Variants in MYH10 observed in about 807,000 individuals in gnomAD.
MYH10 encodes myosin-10.
MYH10 carries 55 observed loss-of-function variants against 257.8 expected under a neutral mutation model. The ratio of observed to expected loss-of-function variants is 0.21; its 90% CI spans 0.17 to 0.27. The LOEUF (loss-of-function observed/expected upper bound fraction) is 0.27, where lower values mean the gene tolerates loss of function less well. Among genes scored for constraint, MYH10 ranks in the 10% least tolerant of loss-of-function variants. The probability of loss-of-function intolerance (pLI) is 1.00; values close to 1 mark genes in which losing one functional copy is unlikely to be tolerated. For synonymous variants in MYH10, 854 were observed against 921.7 expected, an observed-to-expected ratio of 0.93 and a Z score of 1.33; for missense variants, 1,631 against 2,500.6, an observed-to-expected ratio of 0.65 and a Z score of 7.42.
chr17:8,523,514 C>T lies in MYH10; in HGVS notation c.1958-2229G>A, dbSNP rs139350233. ...CCTGTGGGAAGATGACCACTCCAGT[C>T]GGTGCAATCAGCATATGTGAAAGAC... On this transcript the variant is annotated intron_variant, in intron 17 of 42. Transcript: ENST00000360416. Among the ~76,000 whole-genome samples the T allele has an allele frequency of 9.0e-4, 137 of 152,296 alleles. 1 individual carries two copies. The highest frequency in any genetic ancestry group is 3.1e-3 in the African/African-American group (130 of 41,558).
intron 9 of MYH10, among the ~76,000 whole-genome samples, chr17:8,549,590 C>A (rs1046394436): frequency 2.0e-5 from 3 of 152,232 alleles, no homozygotes; most frequent in African/African-American, 4.8e-5. Context: ...CTGCAGGTCA[C>A]CCTGTCCCGT....
At chr17:8,529,177 A>G (rs2151919742) in intron 17 of MYH10, among the ~76,000 whole-genome samples, 1 of 152,184 alleles carries the variant, frequency 6.6e-6, no homozygotes, top group East Asian at 1.9e-4. Context: ...CACAGTGGGA[A>G]TGGAAGGCGA....
At chr17:8,599,840 G>A (rs148765640) in intron 3 of MYH10, among the ~76,000 whole-genome samples, 1 of 152,320 alleles carries the variant, frequency 6.6e-6, no homozygotes, top group East Asian at 1.9e-4. Context: ...CAGAGGTGAA[G>A]GACTAGGTAA....
chr17:8,499,025 AAC>A (rs1371086877), intron 30 of MYH10, among the ~76,000 whole-genome samples: 2 of 152,230 alleles, frequency 1.3e-5, no homozygotes, highest in African/African-American at 4.8e-5. Flanking sequence ...AGCAACTATA[AAC>A]ACAATTCAGA....
In MYH10 at chr17:8,535,558, A is replaced by C. The variant is rs1186925496; in HGVS notation, c.1780-57T>G. Reference sequence around the variant, plus strand: ...TGGAGAACACAAAACCAAATGCAAAAACAAAAACACTTTAAGCCTCAACCA... The same window carrying C: ...TGGAGAACACAAAACCAAATGCAAACACAAAAACACTTTAAGCCTCAACCA... On this transcript the variant is annotated intron_variant, in intron 15 of 42. Coordinates refer to ENST00000360416, the MANE Select transcript of MYH10 (RefSeq NM_001256012.3). This position sits in a 1 kb window ranked among gnomAD's most constrained non-coding sequence, Gnocchi z 4.3. 6.8e-7 allele frequency: 1 copy of C among 1,477,386 alleles called. No homozygotes were observed. The highest frequency in any genetic ancestry group is 2.3e-5 in the East Asian group (1 of 43,966). The allele number at this position is 1,477,386 out of a possible 1,614,324, so 91.5% of individuals were successfully genotyped here. A position where few individuals can be genotyped will look rare whatever the true frequency, so the allele number is the denominator to read the frequency against.
chr17:8,484,250 T>G lies in MYH10; in HGVS notation c.5063A>C (p.Tyr1688Ser). Residue 1688 changes from tyrosine to serine, a missense_variant, in exon 37 of 43, where the codon TAC becomes TCC. By Grantham distance (144) the Tyr-to-Ser change is moderately radical (BLOSUM62 -2). Coordinates refer to ENST00000360416, the MANE Select transcript of MYH10 (RefSeq NM_001256012.3). ...LRKLQAQMKDYQRELEEARAS... is the reference protein window; with the variant it reads ...LRKLQAQMKDSQRELEEARAS... The stretch of plus-strand genomic sequence containing the variant: ...ACGAGCTTCTTCTAATTCACGTTGG[T>G]AATCCTTCATCTGAGCCTAAGATTA... The G allele has an allele frequency of 6.2e-7, 1 of 1,612,640 alleles. No individual in the cohort carries two copies. The highest frequency in any genetic ancestry group is 8.5e-7 in the Non-Finnish European group (1 of 1,179,486).
chr17:8,536,017 T>C, intron 14 of MYH10, 86 bp from the exon 15 acceptor site: 1 of 1,269,412 alleles, frequency 7.9e-7, no homozygotes, highest in Non-Finnish European at 1.1e-6. Context: ...CTAAAACAAT[T>C]AGTTTTATGA....
At chr17:8,517,790 C>T (rs907085446) in intron 21 of MYH10, among the ~76,000 whole-genome samples, 1 of 152,218 alleles carries the variant, frequency 6.6e-6, no homozygotes, top group African/African-American at 2.4e-5. Flanking sequence ...GCGTCTGATT[C>T]TCAAGCCTCT....
At chr17:8,557,503 ACT>A (rs1393453074) in intron 7 of MYH10, among the ~76,000 whole-genome samples, 7 of 152,060 alleles carry the variant, frequency 4.6e-5, no homozygotes, top group Non-Finnish European at 8.8e-5. Flanking sequence ...AAGTGTCCTA[ACT>A]CTGCCCCACC....
In MYH10 at chr17:8,475,686, G is replaced by C. The variant is rs1032462004; in HGVS notation, c.*118C>G. The C allele has an allele frequency of 2.9e-5, 36 of 1,250,574 alleles. No individual in the cohort carries two copies. In the African/African-American group the frequency reaches 4.5e-4, roughly 16 times the overall value. 77.5% of individuals were successfully genotyped at this position (1,250,574 alleles called of 1,614,324 possible). ...GTATGCATAGGCTGGAGAGCCTTAA[G>C]ACACAGTTGATCTTTCAGGAAGGAA... On this transcript the variant is annotated 3_prime_UTR_variant, in exon 43 of 43. Coordinates refer to ENST00000360416, the MANE Select transcript of MYH10 (RefSeq NM_001256012.3).
At chr17:8,492,631 C>CTTTTTTTTTT in intron 33 of MYH10, 122 bp from the exon 34 acceptor site, 2 of 949,304 alleles carry the variant, frequency 2.1e-6, no homozygotes, top group Non-Finnish European at 2.9e-6. Context: ...CTTGTATTTC[C>CTTTTTTTTTT]TTTTTTTTTT....
intron 7 of MYH10, among the ~76,000 whole-genome samples, chr17:8,564,218 A>C (rs959773126): frequency 6.6e-6 from 1 of 152,218 alleles, no homozygotes; most frequent in Non-Finnish European, 1.5e-5. Flanking sequence ...TTTGAAAGAA[A>C]AGATATTCTT....
In MYH10 at chr17:8,508,646, T is replaced by C. The variant is rs1023382114; in HGVS notation, c.3122A>G (p.Glu1041Gly). ...CTCTTCAGCCAGCTGAGAGGAACAC[T>C]CAGCAATGCGATCTTCCATGAGTTT... ...EKKLMEDRIA[E>G]CSSQLAEEEE... is the part of the protein sequence containing the mutation. The change falls in exon 26 of 43, where the codon GAG becomes GGG. Residue 1041 changes from glutamate (E) to glycine (G), a missense_variant. Coordinates refer to ENST00000360416, the MANE Select transcript of MYH10 (RefSeq NM_001256012.3). 3 of 1,613,986 alleles carry C rather than the reference T, an allele frequency of 1.9e-6. No individual in the cohort carries two copies. Among genetic ancestry groups the C allele is most frequent in the Non-Finnish European group, 2.5e-6 (3 of 1,180,008 alleles).
chr17:8,511,048 A>ATC, intron 24 of MYH10: 1 of 114,374 alleles, frequency 8.7e-6, no homozygotes, highest in South Asian at 2.8e-4. Flanking sequence ...ATATATATAT[A>ATC]TATATATATA....
intron 7 of MYH10, among the ~76,000 whole-genome samples, chr17:8,555,640 C>T (rs917543168): frequency 6.6e-6 from 1 of 152,118 alleles, no homozygotes; most frequent in Non-Finnish European, 1.5e-5. Context: ...TAAAACTTAA[C>T]TCAAAGCAGA....
intron 40 of MYH10, among the ~76,000 whole-genome samples, chr17:8,478,999 T>C (rs982655482): frequency 1.3e-5 from 2 of 152,204 alleles, no homozygotes; most frequent in African/African-American, 2.4e-5. Context: ...CCCAAAGTGC[T>C]GGGATTACAG....
At chr17:8,627,153 G>A (rs893061810) in intron 1 of MYH10, among the ~76,000 whole-genome samples, 2 of 151,320 alleles carry the variant, frequency 1.3e-5, no homozygotes, top group Non-Finnish European at 2.9e-5. Flanking sequence ...TTTTTTAAAC[G>A]GAACAAATAT....
intron 7 of MYH10, among the ~76,000 whole-genome samples, chr17:8,567,152 G>A (rs1476344866): frequency 6.6e-6 from 1 of 152,160 alleles, no homozygotes; most frequent in Non-Finnish European, 1.5e-5. Context: ...ATTTCAGTAG[G>A]AAAATTTCAG....
intron 16 of MYH10, 115 bp from the exon 17 acceptor site, chr17:8,530,800 C>G (rs2081985379): frequency 1.3e-6 from 1 of 747,058 alleles, no homozygotes. Flanking sequence ...ACAAAAGGAG[C>G]TAGTCCAAGG....
Sources: allele counts gnomAD v4.1 joint callset (sites outside exome capture counted in the v4.1 genomes callset), GRCh38; gene constraint gnomAD v4.1.1; non-coding constraint Gnocchi (gnomAD v3.1); transcripts MANE v1.5; gene names NCBI Gene and HGNC (gene_info 2026-07-23, HGNC 2026-07-21).